The following CPNE4 variants were observed in gnomAD, a reference collection of about 807,000 sequenced individuals.
The protein encoded by CPNE4 is copine 4.
CPNE4 carries 25 observed loss-of-function variants against 67.9 expected under a neutral mutation model. The ratio of observed to expected loss-of-function variants is 0.37; its 90% CI spans 0.27 to 0.51. The LOEUF (loss-of-function observed/expected upper bound fraction) is 0.51, where lower values mean the gene tolerates loss of function less well. Among genes scored for constraint, CPNE4 ranks in the 20% least tolerant of loss-of-function variants. The pLI, the probability that CPNE4 is intolerant of heterozygous loss-of-function variation, is 0.93. For missense variants in CPNE4, 464 were observed against 690.8 expected, an observed-to-expected ratio of 0.67 and a Z score of 3.68; for synonymous variants, 242 against 244.9, an observed-to-expected ratio of 0.99 and a Z score of 0.11.
chr3:131,703,533 C>CA (rs752543395), intron 3 of CPNE4, among the ~76,000 whole-genome samples: 7 of 152,164 alleles, frequency 4.6e-5, no homozygotes, highest in Non-Finnish European at 1.0e-4. Flanking sequence ...TGGCTTCTAA[C>CA]AGCATGGGTC....
At chr3:131,772,086 A>T (rs1243409459) in intron 2 of CPNE4, among the ~76,000 whole-genome samples, 1 of 152,082 alleles carries the variant, frequency 6.6e-6, no homozygotes, top group Non-Finnish European at 1.5e-5. Flanking sequence ...GTGGAGGGAG[A>T]TGTCCCAGGA....
chr3:131,707,898 T>G (rs1313828482), intron 3 of CPNE4, among the ~76,000 whole-genome samples: 1 of 152,166 alleles, frequency 6.6e-6, no homozygotes, highest in Non-Finnish European at 1.5e-5. Context: ...CCTGGGCAGA[T>G]TAACCTCTCT....
chr3:131,670,570 T>C (rs2080384785), intron 6 of CPNE4, among the ~76,000 whole-genome samples: 1 of 152,088 alleles, frequency 6.6e-6, no homozygotes, highest in Non-Finnish European at 1.5e-5. Flanking sequence ...GGGCAGGGAT[T>C]CCCAAAGTGT....
At chr3:131,646,835 A>C (rs1341878615) in intron 7 of CPNE4, among the ~76,000 whole-genome samples, 1 of 152,232 alleles carries the variant, frequency 6.6e-6, no homozygotes, top group East Asian at 1.9e-4. Context: ...GAAAAGTTCT[A>C]GGCATCCAGT....
At chr3:131,911,639 T>A (rs2088983956) in intron 1 of CPNE4, among the ~76,000 whole-genome samples, 1 of 150,882 alleles carries the variant, frequency 6.6e-6, no homozygotes, top group South Asian at 2.1e-4. Context: ...TCCCCAGTAG[T>A]GCTCATCTTG....
chr3:131,805,212 G>A (rs2084265697), intron 2 of CPNE4, among the ~76,000 whole-genome samples: 1 of 152,150 alleles, frequency 6.6e-6, no homozygotes, highest in South Asian at 2.1e-4. Flanking sequence ...GCCATCGCTT[G>A]CTCTCCTTGG....
At chr3:131,651,395 T>G (rs79433012) in intron 7 of CPNE4, among the ~76,000 whole-genome samples, 6,693 of 152,292 alleles carry the variant, frequency 0.044, 490 homozygotes, top group African/African-American at 0.15. Context: ...ATTTCTTCTC[T>G]TCCTTTTTCC....
intron 10 of CPNE4, among the ~76,000 whole-genome samples, chr3:131,569,714 G>A (rs1937238224): frequency 6.7e-6 from 1 of 149,866 alleles, no homozygotes; most frequent in Non-Finnish European, 1.5e-5. Flanking sequence ...AAGAAAGAAA[G>A]AAAAAGATTT....
intron 3 of CPNE4, among the ~76,000 whole-genome samples, chr3:131,721,987 C>T (rs1359359247): frequency 6.6e-6 from 1 of 152,150 alleles, no homozygotes; most frequent in East Asian, 1.9e-4. Flanking sequence ...TCTGTCTCCC[C>T]TCAACTGTAT....
chr3:131,610,528 T>G (rs1939776034), intron 7 of CPNE4, among the ~76,000 whole-genome samples: 1 of 152,188 alleles, frequency 6.6e-6, no homozygotes, highest in African/African-American at 2.4e-5. Flanking sequence ...TCCTTACCAG[T>G]GACTGACACA....
intron 1 of CPNE4, among the ~76,000 whole-genome samples, chr3:131,924,025 C>A (rs1356974098): frequency 1.3e-5 from 2 of 152,130 alleles, no homozygotes; most frequent in Non-Finnish European, 1.5e-5. Context: ...GAACAGGAGA[C>A]TCAAGAGAGA....
chr3:131,826,148 G>GTAC (rs2085150558), intron 2 of CPNE4, among the ~76,000 whole-genome samples: 1 of 152,146 alleles, frequency 6.6e-6, no homozygotes, highest in African/African-American at 2.4e-5. Context: ...ACACATAGAT[G>GTAC]TACTGTATAT....
Position 131,847,853 on chromosome 3 carries a change from T to C in CPNE4, c.180+57411A>G, listed in dbSNP as rs140060315. Among the ~76,000 whole-genome samples, 67 of 152,248 alleles carry C rather than the reference T, an allele frequency of 4.4e-4. No individual in the cohort carries two copies. The Middle Eastern group carries it at 0.01, about 23-fold the overall frequency. ...TGGTCCTGTGTTGTTCCTCTTGTAGTCCCTTCTGAACTCGAGGGTGAAAGT... is the reference window on the plus strand; with the variant it reads ...TGGTCCTGTGTTGTTCCTCTTGTAGCCCCTTCTGAACTCGAGGGTGAAAGT... On this transcript the variant is annotated intron_variant, in intron 2 of 15. Coordinates refer to ENST00000429747, the MANE Select transcript of CPNE4 (RefSeq NM_130808.3).
intron 7 of CPNE4, among the ~76,000 whole-genome samples, chr3:131,650,722 G>A (rs533243456): frequency 7.4e-6 from 1 of 136,018 alleles, no homozygotes; most frequent in African/African-American, 3.1e-5. Context: ...TCCAGCCTGG[G>A]GGACAGAGCA....
intron 1 of CPNE4, among the ~76,000 whole-genome samples, chr3:131,997,822 T>C (rs1208918807): frequency 6.6e-6 from 1 of 152,028 alleles, no homozygotes; most frequent in Non-Finnish European, 1.5e-5. Context: ...GGCTGCAGTG[T>C]TAACATGATC....
rs143449224 is a variant in CPNE4 at position 131,947,040 on chromosome 3, C to T, written c.-1-41596G>A. The stretch of plus-strand genomic sequence containing the variant: ...AAAGATGGGTTTACTACTGAACTCT[C>T]AGTTCTATCCTACTGGTCTATTTAT... On this transcript the variant is annotated intron_variant, in intron 1 of 15. Coordinates refer to ENST00000429747, the MANE Select transcript of CPNE4 (RefSeq NM_130808.3). 4.8e-3 allele frequency among the ~76,000 whole-genome samples: 737 copies of T among 152,272 alleles called. 6 individuals carry two copies. The highest frequency in any genetic ancestry group is 0.017 in the African/African-American group (708 of 41,552).
chr3:131,796,152 GTT>G (rs951842963), intron 2 of CPNE4, among the ~76,000 whole-genome samples: 2 of 145,434 alleles, frequency 1.4e-5, no homozygotes, highest in Non-Finnish European at 3.0e-5. Flanking sequence ...AGATGACAGA[GTT>G]TTTTTTTTTT....
chr3:131,778,790 A>C (rs901301240), intron 2 of CPNE4, among the ~76,000 whole-genome samples: 9 of 152,008 alleles, frequency 5.9e-5, no homozygotes, highest in African/African-American at 1.9e-4. Flanking sequence ...GGTAATACAA[A>C]ACCGGTGCTG....
Position 131,694,208 on chromosome 3 carries a change from G to A in CPNE4, c.507+2334C>T, listed in dbSNP as rs183533344. Among the ~76,000 whole-genome samples, 149 of 152,066 alleles carry A rather than the reference G, an allele frequency of 9.8e-4. 1 individual carries two copies. The Middle Eastern group carries it at 0.041, about 42-fold the overall frequency. On this transcript the variant is annotated intron_variant, in intron 5 of 15. Transcript: ENST00000429747. ...ATTCATTAACATAATAAAAAATTAG[G>A]AGCATTGTTTATTTTATAGTGACTT...
Sources: allele counts gnomAD v4.1 joint callset (sites outside exome capture counted in the v4.1 genomes callset), GRCh38; gene constraint gnomAD v4.1.1; transcripts MANE v1.5; gene names NCBI Gene and HGNC (gene_info 2026-07-23, HGNC 2026-07-21).